GDA: variants seen among roughly 807,000 people sequenced by gnomAD.
GDA encodes cytoplasmic PSD-95 interactor.
A neutral mutation model predicts 59.6 loss-of-function variants in GDA; 18 were observed. The observed-to-expected ratio is 0.30, with a 90% CI of 0.21 to 0.45. The LOEUF is 0.45. Ranked by LOEUF, GDA falls within the 20% of genes least tolerant of loss-of-function variation. GDA has a pLI of 1.00. For synonymous variants in GDA, 201 were observed against 201.1 expected, an observed-to-expected ratio of 1.00 and a Z score of 0.00; for missense variants, 427 against 552.3, an observed-to-expected ratio of 0.77 and a Z score of 2.27.
intron 1 of GDA, among the ~76,000 whole-genome samples, chr9:72,142,931 G>A (rs1826493798): frequency 6.6e-6 from 1 of 151,026 alleles, no homozygotes; most frequent in African/African-American, 2.4e-5. Context: ...CACCACTCCT[G>A]CATAATTTTG....
Position 72,126,154 on chromosome 9 carries a change from G to A in GDA, c.-100+11321G>A, listed in dbSNP as rs544953356. Among the ~76,000 whole-genome samples the A allele has an allele frequency of 2.0e-5, 3 of 152,246 alleles. No homozygotes were observed. The East Asian group carries it at 5.8e-4, about 29-fold the overall frequency. On this transcript the variant is annotated intron_variant, in intron 1 of 13. Transcript: ENST00000545168. The stretch of plus-strand genomic sequence containing the variant: ...GCTGGTCTCGAACTCCTGACCTCAG[G>A]CAATCCAAAGTGATGGGATTACGGA...
chr9:72,197,921 G>A (rs1017047009), intron 2 of GDA, among the ~76,000 whole-genome samples: 1 of 152,084 alleles, frequency 6.6e-6, no homozygotes, highest in South Asian at 2.1e-4. Flanking sequence ...AGTACCATGG[G>A]CAGTGCTGTG....
chr9:72,236,645 A>G (rs529980314), intron 10 of GDA, among the ~76,000 whole-genome samples: 2 of 152,332 alleles, frequency 1.3e-5, no homozygotes, highest in South Asian at 2.1e-4. Flanking sequence ...CTCTCCCAGC[A>G]TCTCAATAAA....
chr9:72,122,562 G>T (rs1474202491), intron 1 of GDA, among the ~76,000 whole-genome samples: 3 of 151,704 alleles, frequency 2.0e-5, no homozygotes, highest in African/African-American at 7.3e-5. Flanking sequence ...ATGTACACAA[G>T]ATTACTCTTT....
At chr9:72,219,590 C>A in intron 6 of GDA, 84 bp downstream of exon 6, 1 of 903,554 alleles carries the variant, frequency 1.1e-6, no homozygotes, top group Non-Finnish European at 1.8e-6. Context: ...AGTGATTAGT[C>A]TGTGTACGAC....
At chr9:72,123,867 G>T (rs989611019) in intron 1 of GDA, among the ~76,000 whole-genome samples, 34 of 146,162 alleles carry the variant, frequency 2.3e-4, no homozygotes, top group African/African-American at 8.1e-4. Context: ...ATGAAACAAA[G>T]AATTCATTTA....
chr9:72,149,770 C>G (rs1224235064), intron 1 of GDA, 88 bp downstream of exon 1: 1 of 1,356,866 alleles, frequency 7.4e-7, no homozygotes. Context: ...GCCCGGGGTT[C>G]GCTCGGTGCG....
chr9:72,152,552 A>G (rs1393656324), intron 1 of GDA, among the ~76,000 whole-genome samples: 1 of 152,106 alleles, frequency 6.6e-6, no homozygotes, highest in Non-Finnish European at 1.5e-5. Context: ...GATGATGAGC[A>G]TTTTTTCATG....
intron 1 of GDA, among the ~76,000 whole-genome samples, chr9:72,174,013 C>T (rs1830278408): frequency 6.6e-6 from 1 of 152,204 alleles, no homozygotes; most frequent in Non-Finnish European, 1.5e-5. Flanking sequence ...TCTCTAAGCT[C>T]TCCTCCCAAC....
intron 8 of GDA, 111 bp downstream of exon 8, chr9:72,225,895 T>A (rs1435339978): frequency 1.6e-5 from 9 of 568,426 alleles, no homozygotes; most frequent in Non-Finnish European, 2.2e-5. Context: ...TCTTTAAAAA[T>A]TTTTTTTAAA....
At chr9:72,116,031 C>G (rs1394597791) in intron 1 of GDA, among the ~76,000 whole-genome samples, 1 of 152,036 alleles carries the variant, frequency 6.6e-6, no homozygotes, top group Admixed American at 6.5e-5. Flanking sequence ...GTTGGGAGTT[C>G]GAGACCAGCC....
At chr9:72,122,618 A>G (rs977268744) in intron 1 of GDA, among the ~76,000 whole-genome samples, 1 of 142,830 alleles carries the variant, frequency 7.0e-6, no homozygotes, top group African/African-American at 2.6e-5. Context: ...TTGCTTTTGG[A>G]AAAAATGTAT....
Position 72,149,563 on chromosome 9 carries a change from T to A in GDA, c.4T>A (p.Cys2Ser), listed in dbSNP as rs768158593. Reference protein sequence around the residue: MCAAQMPPLAHI... With the variant: MSAAQMPPLAHI... ...CGCGCTGCGCTCCGCCGCTGACATGTGTGCCGCTCAGATGCCGCCCCTGGC... is the reference window on the plus strand; with the variant it reads ...CGCGCTGCGCTCCGCCGCTGACATGAGTGCCGCTCAGATGCCGCCCCTGGC... Residue 2 changes from cysteine to serine, a missense_variant, in exon 1 of 14, where the codon TGT (cysteine) becomes AGT (serine). Coordinates refer to ENST00000358399, the MANE Select transcript of GDA (RefSeq NM_004293.5). 6.2e-7 allele frequency: 1 copy of A among 1,610,948 alleles called. No individual in the cohort carries two copies. The highest frequency in any genetic ancestry group is 1.1e-5 in the South Asian group (1 of 90,990).
At chr9:72,234,083 T>A (rs748281419) in intron 10 of GDA, among the ~76,000 whole-genome samples, 2 of 152,208 alleles carry the variant, frequency 1.3e-5, no homozygotes, top group African/African-American at 4.8e-5. Flanking sequence ...TAATGAAATA[T>A]TATTTAGCAG....
intron 1 of GDA, among the ~76,000 whole-genome samples, chr9:72,190,697 A>G (rs1160440995): frequency 1.3e-5 from 2 of 152,020 alleles, no homozygotes; most frequent in Non-Finnish European, 2.9e-5. Context: ...TACTTCCCTC[A>G]CAGACTTTTT....
At chr9:72,258,885 G>A (rs112464842), downstream of GDA, among the ~76,000 whole-genome samples, 3 of 152,304 alleles carry the variant, frequency 2.0e-5, no homozygotes, top group African/African-American at 4.8e-5. Context: ...GCACAGAATG[G>A]GTAATGACAT....
intron 1 of GDA, among the ~76,000 whole-genome samples, chr9:72,143,793 T>C (rs1400346270): frequency 6.6e-6 from 1 of 152,232 alleles, no homozygotes; most frequent in African/African-American, 2.4e-5. Context: ...ATATTTGAAC[T>C]TTTCTAAACA....
chr9:72,235,354 G>A, intron 10 of GDA, among the ~76,000 whole-genome samples: 1 of 152,144 alleles, frequency 6.6e-6, no homozygotes, highest in Non-Finnish European at 1.5e-5. Context: ...AATGTCTTCA[G>A]TATTTTATCA....
At chr9:72,190,559 G>C (rs1832408703) in intron 1 of GDA, among the ~76,000 whole-genome samples, 1 of 152,148 alleles carries the variant, frequency 6.6e-6, no homozygotes, top group Admixed American at 6.5e-5. Context: ...CCAACAGTAG[G>C]CTATTAGTAG....
Sources: gnomAD v4.1 joint callset for allele counts (sites outside exome capture counted in the v4.1 genomes callset) on GRCh38, gnomAD v4.1.1 for gene constraint, MANE v1.5 for transcripts, NCBI Gene and HGNC (gene_info 2026-07-23, HGNC 2026-07-21) for gene names.